WWTR1: variants seen among roughly 807,000 people sequenced by gnomAD.
WWTR1 encodes WW domain-containing transcription regulator protein 1.
Under a neutral mutation model 40.1 loss-of-function variants are expected in WWTR1, and 13 were observed. The observed-to-expected ratio is 0.32, with a 90% CI of 0.21 to 0.52. The LOEUF is 0.52. WWTR1 is among the 20% of genes least tolerant of loss of function. The pLI is 0.97. For missense variants in WWTR1, 436 were observed against 523.1 expected (o/e 0.83, Z 1.63); for synonymous variants, 230 against 210.1 (o/e 1.09, Z -0.82).
chr3:149,693,637 G>A (rs2108215664), intron 1 of WWTR1, among the ~76,000 whole-genome samples: 1 of 152,198 alleles, frequency 6.6e-6, no homozygotes, highest in Non-Finnish European at 1.5e-5. Context: ...CAGAAACACA[G>A]ACCAATGGGA....
At chr3:149,716,318 G>T (rs888335675) in intron 5 of WWTR1, among the ~76,000 whole-genome samples, 1 of 150,858 alleles carries the variant, frequency 6.6e-6, no homozygotes, top group African/African-American at 2.4e-5. Flanking sequence ...GAAGGCAGAG[G>T]GTGCAGTGAG....
At chr3:149,599,307 G>A (rs1739140435) in intron 2 of WWTR1, among the ~76,000 whole-genome samples, 1 of 152,218 alleles carries the variant, frequency 6.6e-6, no homozygotes, top group Non-Finnish European at 1.5e-5. Flanking sequence ...GCCCATGGCA[G>A]AAAACACAGA....
rs749184988 is a variant in WWTR1 at position 149,520,814 on chromosome 3, G to C, written c.1194C>G (p.Thr398=). ...GTTACAATGGTAGTGATTACAGCCAGGTTAGAAAGGGCTCACTTTTGTTCA... is the reference window on the plus strand; with the variant it reads ...GTTACAATGGTAGTGATTACAGCCACGTTAGAAAGGGCTCACTTTTGTTCA... ...SALNKSEPFL[T]WL is the part of the protein sequence containing the mutation. Residue 398 remains threonine, a synonymous_variant, in exon 7 of 7, where the codon ACC becomes ACG. Coordinates refer to ENST00000360632, the MANE Select transcript of WWTR1 (RefSeq NM_015472.6). The C allele has an allele frequency of 3.8e-6, 6 of 1,593,628 alleles. No individual in the cohort carries two copies. In the Admixed American group the frequency reaches 8.9e-5, roughly 24 times the overall value.
At chr3:149,630,121 C>T (rs1428485805) in intron 2 of WWTR1, among the ~76,000 whole-genome samples, 1 of 152,172 alleles carries the variant, frequency 6.6e-6, no homozygotes, top group Non-Finnish European at 1.5e-5. Context: ...GCTGGGATTA[C>T]AGGTGTGAGC....
At chr3:149,568,831 A>G (rs945531219) in intron 3 of WWTR1, among the ~76,000 whole-genome samples, 1 of 152,128 alleles carries the variant, frequency 6.6e-6, no homozygotes, top group African/African-American at 2.4e-5. Context: ...CAGTGGCGCA[A>G]TCTCGGCTCA....
intron 5 of WWTR1, among the ~76,000 whole-genome samples, chr3:149,526,724 C>T (rs1307792794): frequency 6.6e-6 from 1 of 152,118 alleles, no homozygotes; most frequent in Non-Finnish European, 1.5e-5. Flanking sequence ...CAATTTAAAA[C>T]CTCCATTAAT....
intron 2 of WWTR1, among the ~76,000 whole-genome samples, chr3:149,579,882 C>T (rs746742819): frequency 1.3e-5 from 2 of 152,056 alleles, no homozygotes; most frequent in African/African-American, 4.8e-5. Context: ...CCAATTAGAC[C>T]CACTAGTGTT....
At chr3:149,541,221 C>T (rs1480613051) in intron 4 of WWTR1, among the ~76,000 whole-genome samples, 2 of 152,140 alleles carry the variant, frequency 1.3e-5, no homozygotes, top group Non-Finnish European at 2.9e-5. Context: ...GACCTGAAAA[C>T]ATGGGTTATA....
chr3:149,585,155 T>TGTGTGTGTGTGTGTGTGTG (rs1553795598), intron 2 of WWTR1, among the ~76,000 whole-genome samples: 3 of 151,444 alleles, frequency 2.0e-5, no homozygotes, highest in South Asian at 2.1e-4. Context: ...TGTGTGTGTG[T>TGTGTGTGTGTGTGTGTGTG]TTAAGATGGA....
chr3:149,720,479 G>A (rs1715729022), intron 4 of WWTR1, among the ~76,000 whole-genome samples: 1 of 151,982 alleles, frequency 6.6e-6, no homozygotes, highest in Non-Finnish European at 1.5e-5. Flanking sequence ...TGGTCTTTAT[G>A]TGTGGTCTTT....
intron 2 of WWTR1, among the ~76,000 whole-genome samples, chr3:149,624,352 C>G (rs912441967): frequency 3.3e-5 from 5 of 152,224 alleles, no homozygotes; most frequent in Non-Finnish European, 5.9e-5. Flanking sequence ...CTAAATGATA[C>G]TAATGAAGTC....
intron 1 of WWTR1, among the ~76,000 whole-genome samples, chr3:149,676,138 A>G (rs1177935318): frequency 2.1e-4 from 32 of 152,206 alleles, no homozygotes; most frequent in Admixed American, 2.1e-3. Flanking sequence ...CCAGGGGGAA[A>G]AAATCACAAA....
chr3:149,678,556 C>T (rs1041674228), intron 1 of WWTR1, among the ~76,000 whole-genome samples: 8 of 152,198 alleles, frequency 5.3e-5, no homozygotes, highest in Non-Finnish European at 1.2e-4. Context: ...AGATCCCACA[C>T]TCTGGAGCCC....
intron 1 of WWTR1, among the ~76,000 whole-genome samples, chr3:149,697,018 A>C (rs973645092): frequency 1.3e-5 from 2 of 152,222 alleles, no homozygotes; most frequent in Non-Finnish European, 2.9e-5. Flanking sequence ...CACTTTTTCT[A>C]ACAGCTTTCC....
chr3:149,645,676 C>A (rs1712475623), intron 2 of WWTR1, among the ~76,000 whole-genome samples: 1 of 152,202 alleles, frequency 6.6e-6, no homozygotes, highest in South Asian at 2.1e-4. Flanking sequence ...GCAGCCTCAA[C>A]TATGATAGGT....
intron 4 of WWTR1, chr3:149,540,178 T>C (rs1331498290): frequency 4.4e-6 from 2 of 456,110 alleles, no homozygotes; most frequent in East Asian, 7.0e-5. Context: ...CAATCTTTTC[T>C]CCTGCTTCAT....
intron 3 of WWTR1, among the ~76,000 whole-genome samples, chr3:149,558,002 CAAAA>C (rs10554239): frequency 1.2e-5 from 1 of 82,950 alleles, no homozygotes; most frequent in Non-Finnish European, 2.9e-5. Context: ...GGCTCCATCT[CAAAA>C]AAAAAAAAAA....
chr3:149,579,059 T>C (rs1269182415), intron 2 of WWTR1, among the ~76,000 whole-genome samples: 2 of 152,214 alleles, frequency 1.3e-5, no homozygotes, highest in Non-Finnish European at 2.9e-5. Context: ...CATACAAAGA[T>C]ATAAAAATAG....
chr3:149,716,824 T>C (rs750954502), intron 5 of WWTR1, among the ~76,000 whole-genome samples: 3 of 152,076 alleles, frequency 2.0e-5, no homozygotes, highest in Non-Finnish European at 2.9e-5. Context: ...AAAATTTTTA[T>C]AAGGACAGAT....
Sources: gnomAD v4.1 joint callset for allele counts (sites outside exome capture counted in the v4.1 genomes callset) on GRCh38, gnomAD v4.1.1 for gene constraint, MANE v1.5 for transcripts, NCBI Gene and HGNC (gene_info 2026-07-23, HGNC 2026-07-21) for gene names.